GRIN2B: variants seen among roughly 807,000 people sequenced by gnomAD.
GRIN2B encodes glutamate receptor ionotropic, NMDA 2B.
Under a neutral mutation model 114.5 loss-of-function variants are expected in GRIN2B, and 5 were observed. That is an observed-to-expected ratio of 0.04 (90% CI 0.02 to 0.09). GRIN2B has a LOEUF of 0.09. Ranked by LOEUF, GRIN2B falls within the 10% of genes least tolerant of loss-of-function variation. The pLI is 1.00. For missense variants in GRIN2B, 1,108 were observed against 1,943.5 expected, an observed-to-expected ratio of 0.57 and a Z score of 8.08; for synonymous variants, 787 against 745.1, an observed-to-expected ratio of 1.06 and a Z score of -0.92.
Position 13,938,769 on chromosome 12 carries a change from C to A in GRIN2B, c.-19+41159G>T, listed in dbSNP as rs532346966. 5.9e-5 allele frequency among the ~76,000 whole-genome samples: 9 copies of A among 152,248 alleles called. No homozygotes were observed. The South Asian group carries it at 1.9e-3, about 32-fold the overall frequency. ...CTGCAAAAGGGCACAAGAGAACTTC[C>A]TTCGATGATGGAAATGTTCTACTTC... On this transcript the variant is annotated intron_variant, in intron 2 of 13. Transcript: ENST00000609686.
At chr12:13,577,615 G>GA (rs1948794202) in intron 10 of GRIN2B, among the ~76,000 whole-genome samples, 1 of 152,200 alleles carries the variant, frequency 6.6e-6, no homozygotes, top group Non-Finnish European at 1.5e-5. Flanking sequence ...TATATAAATT[G>GA]ATTTTCCTAT....
At chr12:13,633,253 G>A (rs2136499198) in intron 5 of GRIN2B, among the ~76,000 whole-genome samples, 1 of 152,344 alleles carries the variant, frequency 6.6e-6, no homozygotes, top group South Asian at 2.1e-4. Context: ...GGCAGCATGG[G>A]CATCATTTGA....
At chr12:13,681,402 C>T (rs966076236) in intron 4 of GRIN2B, among the ~76,000 whole-genome samples, 3 of 152,032 alleles carry the variant, frequency 2.0e-5, no homozygotes, top group East Asian at 1.9e-4. Context: ...TAAAAAGTGG[C>T]GGTTTTTCAT....
Position 13,562,858 on chromosome 12 carries a change from T to C in GRIN2B, c.4380A>G (p.Lys1460=), listed in dbSNP as rs369455429. 7 of 1,613,990 alleles carry C rather than the reference T, an allele frequency of 4.3e-6. No individual in the cohort carries two copies. Among genetic ancestry groups the C allele is most frequent in the African/African-American group, 1.3e-5 (1 of 74,932 alleles). The change falls in exon 14 of 14, where the codon AAA becomes AAG. Residue 1460 remains lysine, a synonymous_variant. Transcript: ENST00000609686. ...NQSNPCVPNN[K]NPRAFNGSSN... ...TGGAGCCATTGAAAGCCCTGGGGTTTTTGTTGTTAGGCACACAGGGGTTGG... is the reference window on the plus strand; with the variant it reads ...TGGAGCCATTGAAAGCCCTGGGGTTCTTGTTGTTAGGCACACAGGGGTTGG...
chr12:13,692,710 C>CTCGAATAG (rs1950224402), intron 4 of GRIN2B, among the ~76,000 whole-genome samples: 1 of 148,460 alleles, frequency 6.7e-6, no homozygotes, highest in East Asian at 2.0e-4. Context: ...AGACCCTGAA[C>CTCGAATAG]TCGAATAGTT....
intron 3 of GRIN2B, among the ~76,000 whole-genome samples, chr12:13,830,854 GC>G (rs1347071849): frequency 6.6e-6 from 1 of 152,188 alleles, no homozygotes; most frequent in Non-Finnish European, 1.5e-5. Context: ...GTGGTCATCT[GC>G]CCTGCCTTAT....
chr12:13,756,349 G>A (rs1863576435), intron 3 of GRIN2B, among the ~76,000 whole-genome samples: 1 of 152,122 alleles, frequency 6.6e-6, no homozygotes, highest in Admixed American at 6.5e-5. Context: ...CAGTTTATAA[G>A]TAGCCTGAAA....
intron 3 of GRIN2B, among the ~76,000 whole-genome samples, chr12:13,789,882 C>T (rs1460638864): frequency 6.6e-6 from 1 of 152,200 alleles, no homozygotes; most frequent in Non-Finnish European, 1.5e-5. Context: ...GCTCCTCTAG[C>T]GTCTTTACTA....
intron 10 of GRIN2B, among the ~76,000 whole-genome samples, chr12:13,583,350 A>T (rs1481076681): frequency 1.3e-5 from 2 of 152,236 alleles, no homozygotes; most frequent in African/African-American, 4.8e-5. Context: ...TGATGCTATG[A>T]GGTAGGCATT....
rs142176634 is a variant in GRIN2B, at chr12:13,713,158, C to T, written c.1011-37299G>A. Among the ~76,000 whole-genome samples the T allele has an allele frequency of 2.9e-3, 436 of 151,926 alleles. 1 individual carries two copies. The highest frequency in any genetic ancestry group is 9.5e-3 in the African/African-American group (396 of 41,502). On this transcript the variant is annotated intron_variant, in intron 4 of 13. Coordinates refer to ENST00000609686, the MANE Select transcript of GRIN2B (RefSeq NM_000834.5). ...AAACATTTACAGTACATTTAAGAAACGTTAGGTATTTCTTTTAACATCCTT... is the reference window on the plus strand; with the variant it reads ...AAACATTTACAGTACATTTAAGAAATGTTAGGTATTTCTTTTAACATCCTT...
intron 5 of GRIN2B, among the ~76,000 whole-genome samples, chr12:13,637,483 G>C (rs1949676302): frequency 6.6e-6 from 1 of 152,152 alleles, no homozygotes; most frequent in African/African-American, 2.4e-5. Flanking sequence ...AATATCAGTT[G>C]TCTTCTTAAG....
intron 3 of GRIN2B, among the ~76,000 whole-genome samples, chr12:13,776,967 G>A (rs1407372935): frequency 6.6e-6 from 1 of 152,170 alleles, no homozygotes; most frequent in African/African-American, 2.4e-5. Context: ...AATGCAGGCA[G>A]GAGAGATTAA....
intron 2 of GRIN2B, among the ~76,000 whole-genome samples, chr12:13,914,799 T>G (rs1290245046): frequency 6.6e-6 from 1 of 152,160 alleles, no homozygotes; most frequent in Non-Finnish European, 1.5e-5. Context: ...ATCACTATGT[T>G]GAGTGAAATA....
At chr12:13,938,787 T>A (rs562530819) in intron 2 of GRIN2B, among the ~76,000 whole-genome samples, 2 of 152,318 alleles carry the variant, frequency 1.3e-5, no homozygotes, top group South Asian at 4.1e-4. Flanking sequence ...ATGGAAATGT[T>A]CTACTTCTTG....
At chr12:13,870,180 C>T (rs1296986183) in intron 2 of GRIN2B, among the ~76,000 whole-genome samples, 1 of 152,100 alleles carries the variant, frequency 6.6e-6, no homozygotes, top group African/African-American at 2.4e-5. Context: ...CCATAATGGC[C>T]TCGGGGTAGC....
intron 3 of GRIN2B, among the ~76,000 whole-genome samples, chr12:13,759,152 T>G (rs1261849248): frequency 1.3e-5 from 2 of 151,708 alleles, no homozygotes; most frequent in Non-Finnish European, 2.9e-5. Context: ...GGACTACAGA[T>G]GCGCACCACC....
At chr12:13,658,689 C>T (rs1045914395) in intron 5 of GRIN2B, among the ~76,000 whole-genome samples, 1 of 152,022 alleles carries the variant, frequency 6.6e-6, no homozygotes, top group Non-Finnish European at 1.5e-5. Flanking sequence ...TCAAGAAAAA[C>T]CCTAATGCCT....
In GRIN2B at chr12:13,779,195, C is replaced by T. The variant is rs575720923; in HGVS notation, c.412-25280G>A. Among the ~76,000 whole-genome samples the T allele has an allele frequency of 1.1e-4, 17 of 152,270 alleles. No homozygotes were observed. The South Asian group carries it at 3.3e-3, about 30-fold the overall frequency. On this transcript the variant is annotated intron_variant, in intron 3 of 13. Coordinates refer to ENST00000609686, the MANE Select transcript of GRIN2B (RefSeq NM_000834.5). ...AGTAGCTGGGATTACAGGTGTGCAC[C>T]ACCACACCCAGCTAATTTTTGTATT...
At chr12:13,631,960 C>T (rs1219700927) in intron 5 of GRIN2B, among the ~76,000 whole-genome samples, 1 of 152,186 alleles carries the variant, frequency 6.6e-6, no homozygotes, top group African/African-American at 2.4e-5. Context: ...AATTAATTAG[C>T]AGAAAGGCAC....
Sources: allele counts gnomAD v4.1 joint callset (sites outside exome capture counted in the v4.1 genomes callset), GRCh38; gene constraint gnomAD v4.1.1; transcripts MANE v1.5; gene names NCBI Gene and HGNC (gene_info 2026-07-23, HGNC 2026-07-21).